VASP: variants seen among roughly 807,000 people sequenced by gnomAD.
The protein encoded by VASP is vasodilator-stimulated phosphoprotein.
Under a neutral mutation model 54.4 loss-of-function variants are expected in VASP, and 27 were observed. The observed-to-expected ratio is 0.50, with a 90% CI of 0.37 to 0.68. The LOEUF is 0.68. Among genes scored for constraint, VASP ranks in the 30% least tolerant of loss-of-function variants. The pLI is 0.00. For synonymous variants in VASP, 233 were observed against 209.8 expected (o/e 1.11, Z -0.96); for missense variants, 488 against 528.3 (o/e 0.92, Z 0.75).
At chr19:45,511,698 T>C (rs1302639417) in intron 1 of VASP, among the ~76,000 whole-genome samples, 1 of 152,266 alleles carries the variant, frequency 6.6e-6, no homozygotes, top group African/African-American at 2.4e-5. Context: ...TTGTGTAGTT[T>C]ACAGTTTTAT....
rs1968966724 is a variant in VASP at position 45,526,248 on chromosome 19, A to C, written c.*71A>C. The C allele has an allele frequency of 1.3e-6, 2 of 1,538,872 alleles. No homozygotes were observed. The highest frequency in any genetic ancestry group is 1.4e-5 in the African/African-American group (1 of 71,506). On this transcript the variant is annotated 3_prime_UTR_variant, in exon 13 of 13. Coordinates refer to ENST00000245932, the MANE Select transcript of VASP (RefSeq NM_003370.4). ...CTGTCACCCTGCTTTCCCTGCCTCT[A>C]CTTGACTTGGAATTGGCTGAAGACT... is the stretch of plus-strand genomic sequence containing the variant.
At chr19:45,510,693 G>A (rs1968583670) in intron 1 of VASP, among the ~76,000 whole-genome samples, 1 of 152,158 alleles carries the variant, frequency 6.6e-6, no homozygotes, top group South Asian at 2.1e-4. Context: ...AACACTTTGG[G>A]AGGCCAAGGC....
chr19:45,523,512 C>A, intron 7 of VASP, 132 bp from the exon 8 acceptor site: 1 of 1,050,174 alleles, frequency 9.5e-7, no homozygotes, highest in Non-Finnish European at 1.4e-6. Flanking sequence ...TCTTGAATTT[C>A]TAAAACTAGA....
rs1442309153 is a variant in VASP at position 45,507,796 on chromosome 19, C to A, written c.5+20C>A. The A allele has an allele frequency of 5.7e-6, 8 of 1,415,928 alleles. No individual in the cohort carries two copies. Among genetic ancestry groups the A allele is most frequent in the Non-Finnish European group, 7.3e-6 (8 of 1,094,456 alleles). The allele number at this position is 1,415,928 out of a possible 1,614,324, so 87.7% of individuals were successfully genotyped here. A position where few individuals can be genotyped will look rare whatever the true frequency, so the allele number is the denominator to read the frequency against. ...CATGAGGTGAGCCGGACCTGCCCCCCGACCCGTCCCCGCCCGGGCGGGCTC... is the reference window on the plus strand; with the variant it reads ...CATGAGGTGAGCCGGACCTGCCCCCAGACCCGTCCCCGCCCGGGCGGGCTC... On this transcript the variant is annotated intron_variant, in intron 1 of 12. Coordinates refer to ENST00000245932, the MANE Select transcript of VASP (RefSeq NM_003370.4). The surrounding 1 kb of genome is among the most constrained non-coding windows in gnomAD (Gnocchi z 4.4).
Position 45,521,188 on chromosome 19 carries a change from C to T in VASP, c.344-134C>T. ...AATGTGCGTCCTCCTGGGCCTGGAG[C>T]CTCAGGGCCTCTGGAAGGAGGAAGT... On this transcript the variant is annotated intron_variant, in intron 3 of 12. Transcript: ENST00000245932. 4 of 875,302 alleles carry T rather than the reference C, an allele frequency of 4.6e-6. No individual in the cohort carries two copies. In the South Asian group the frequency reaches 4.6e-5, roughly 10 times the overall value. 54.2% of individuals were successfully genotyped at this position (875,302 alleles called of 1,614,324 possible).
intron 3 of VASP, 87 bp from the exon 4 acceptor site, chr19:45,521,235 C>G: frequency 7.5e-7 from 1 of 1,340,146 alleles, no homozygotes; most frequent in South Asian, 1.3e-5. Flanking sequence ...GGCAGGATTC[C>G]TGGGAGGCCT....
At position 45,522,484 on chromosome 19, in the gene VASP, C is replaced by A; in HGVS notation, c.623C>A (p.Pro208His). The part of the protein sequence containing the change: ...HGAGGGPPPA[P>H]PLPAAQGPGG... The stretch of plus-strand genomic sequence containing the variant: ...GCAGGGGGAGGACCACCCCCTGCAC[C>A]CCCTCTCCCGGCAGCACAGGGCCCT... The change falls in exon 6 of 13, where the codon CCC (proline) becomes CAC (histidine). Residue 208 changes from proline to histidine, a missense_variant. Physicochemically the swap from Pro to His is moderately conservative, Grantham distance 77. Around this residue, in one of 4 missense-constraint regions of VASP, gnomAD observed 226 missense variants for 196.0 expected, o/e 1.15. Transcript: ENST00000245932. 6.8e-7 allele frequency: 1 copy of A among 1,470,748 alleles called. No homozygotes were observed. Among genetic ancestry groups the A allele is most frequent in the African/African-American group, 1.4e-5 (1 of 70,474 alleles). 91.1% of individuals were successfully genotyped at this position (1,470,748 alleles called of 1,614,324 possible). A position where few individuals can be genotyped will look rare whatever the true frequency, so the allele number is the denominator to read the frequency against.
rs1180962191 is a variant in VASP at position 45,517,675 on chromosome 19, C to T, written c.18C>T (p.Ile6=). The change falls in exon 2 of 13, where the codon ATC becomes ATT. Residue 6 remains isoleucine, a synonymous_variant. Transcript: ENST00000245932. ...CTCCCGCCTGCAGCGAGACGGTCAT[C>T]TGTTCCAGCCGGGCCACTGTGATGC... is the stretch of plus-strand genomic sequence containing the variant. MSETV[I]CSSRATVMLY... is the part of the protein sequence containing the mutation. 1.2e-6 allele frequency: 2 copies of T among 1,609,406 alleles called. No homozygotes were observed. The highest frequency in any genetic ancestry group is 1.3e-5 in the African/African-American group (1 of 75,056).
intron 5 of VASP, 39 bp downstream of exon 5, chr19:45,522,256 C>T (rs1339549118): frequency 1.9e-6 from 3 of 1,614,040 alleles, no homozygotes; most frequent in Admixed American, 3.3e-5. Context: ...GAGGGGGCCT[C>T]CCTGGAGGAA....
intron 9 of VASP, 66 bp downstream of exon 9, chr19:45,523,943 A>G: frequency 3.1e-6 from 5 of 1,610,878 alleles, no homozygotes; most frequent in Non-Finnish European, 4.2e-6. Flanking sequence ...CTCACATGTT[A>G]AGCACCCTTA....
intron 3 of VASP, among the ~76,000 whole-genome samples, 173 bp from the exon 4 acceptor site, chr19:45,521,149 C>A (rs1968822197): frequency 6.6e-6 from 1 of 152,246 alleles, no homozygotes; most frequent in African/African-American, 2.4e-5. Flanking sequence ...GAAGTTGGTG[C>A]TGCCTCACCT....
At chr19:45,520,420 A>G (rs1383248553) in intron 3 of VASP, among the ~76,000 whole-genome samples, 1 of 152,214 alleles carries the variant, frequency 6.6e-6, no homozygotes, top group Non-Finnish European at 1.5e-5. Flanking sequence ...ACTGAAAGTC[A>G]CCAAATGCAG....
chr19:45,525,283 G>T (rs957574749), intron 11 of VASP, among the ~76,000 whole-genome samples: 1 of 152,124 alleles, frequency 6.6e-6, no homozygotes, highest in Non-Finnish European at 1.5e-5. Context: ...ACCTGAGAAG[G>T]CCAGGTGCGG....
At chr19:45,512,289 C>G (rs1485803913) in intron 1 of VASP, among the ~76,000 whole-genome samples, 1 of 107,004 alleles carries the variant, frequency 9.3e-6, no homozygotes, top group Non-Finnish European at 1.9e-5. Context: ...ATATATGCTC[C>G]TCACTGTTTT....
At position 45,507,491 on chromosome 19, in the gene VASP, G is replaced by GTAAC. The variant is rs1968507873; in HGVS notation, c.-280_-277dup. The GTAAC allele has an allele frequency of 4.0e-6, 2 of 498,838 alleles. No homozygotes were observed. Among genetic ancestry groups the GTAAC allele is most frequent in the Non-Finnish European group, 7.1e-6 (2 of 282,546 alleles). The allele number at this position is 498,838 out of a possible 1,614,324, so 30.9% of individuals were successfully genotyped here. A position where few individuals can be genotyped will look rare whatever the true frequency, so the allele number is the denominator to read the frequency against. ...AACGAAGAGAAGTACAGTAGTAAGA[G>GTAAC]TAACACTGTAGCCGCCACCGGCAAG... On this transcript the variant is annotated 5_prime_UTR_variant, in exon 1 of 13. Transcript: ENST00000245932. The surrounding 1 kb of genome is among the most constrained non-coding windows in gnomAD (Gnocchi z 4.4).
At position 45,522,452 on chromosome 19, in the gene VASP, G is replaced by T. The variant is rs557619322; in HGVS notation, c.591G>T (p.Ala197=). ...GLPPSGVPAA[A]HGAGGGPPPA... ...CCCCTTCGGGGGTCCCAGCTGCAGC[G>T]CACGGAGCAGGGGGAGGACCACCCC... Residue 197 remains alanine, a synonymous_variant, in exon 6 of 13, where the codon GCG becomes GCT. Coordinates refer to ENST00000245932, the MANE Select transcript of VASP (RefSeq NM_003370.4). 1 of 1,506,828 alleles carries T rather than the reference G, an allele frequency of 6.6e-7. No homozygotes were observed. The highest frequency in any genetic ancestry group is 8.9e-7 in the Non-Finnish European group (1 of 1,128,334). 93.3% of individuals were successfully genotyped at this position (1,506,828 alleles called of 1,614,324 possible).
At chr19:45,508,659 C>T (rs1968539866) in intron 1 of VASP, among the ~76,000 whole-genome samples, 1 of 152,176 alleles carries the variant, frequency 6.6e-6, no homozygotes, top group African/African-American at 2.4e-5. Context: ...TTCCCCACCA[C>T]GGCCCCTCCC....
chr19:45,508,370 G>C (rs931839065), intron 1 of VASP, among the ~76,000 whole-genome samples: 10 of 152,150 alleles, frequency 6.6e-5, no homozygotes, highest in Non-Finnish European at 1.0e-4. Flanking sequence ...AACCGATCCA[G>C]GGACCTGGAC....
intron 1 of VASP, among the ~76,000 whole-genome samples, chr19:45,515,517 G>A (rs1259514959): frequency 1.3e-5 from 2 of 152,132 alleles, no homozygotes; most frequent in African/African-American, 4.8e-5. Flanking sequence ...GCGTGTGCTG[G>A]ACGCTGTACC....
Sources: gnomAD v4.1 joint callset for allele counts (sites outside exome capture counted in the v4.1 genomes callset) on GRCh38, gnomAD v4.1.1 for gene constraint, gnomAD v4.1.1 regional missense constraint, Gnocchi (gnomAD v3.1) non-coding constraint, MANE v1.5 for transcripts, NCBI Gene and HGNC (gene_info 2026-07-23, HGNC 2026-07-21) for gene names.